SFXN1: variants seen among roughly 807,000 people sequenced by gnomAD.
SFXN1 encodes sideroflexin 1, also known as sideroflexin-1.
Under a neutral mutation model 39.5 loss-of-function variants are expected in SFXN1, and 32 were observed. The ratio of observed to expected loss-of-function variants is 0.81; its 90% CI spans 0.61 to 1.09. The LOEUF is 1.09. Among genes scored for constraint, SFXN1 ranks in the 50% least tolerant of loss-of-function variants. The probability of loss-of-function intolerance (pLI) is 0.00; values close to 1 mark genes in which losing one functional copy is unlikely to be tolerated. For missense variants in SFXN1, 402 were observed against 407.1 expected, an observed-to-expected ratio of 0.99 and a Z score of 0.11; for synonymous variants, 136 against 146.5, an observed-to-expected ratio of 0.93 and a Z score of 0.52.
intron 1 of SFXN1, among the ~76,000 whole-genome samples, chr5:175,486,593 C>G (rs912146003): frequency 6.6e-6 from 1 of 152,126 alleles, no homozygotes; most frequent in Admixed American, 6.6e-5. Context: ...GAAACCCTGT[C>G]TCTACAACCA....
intron 2 of SFXN1, among the ~76,000 whole-genome samples, chr5:175,502,175 C>CT (rs1760108259): frequency 6.6e-6 from 1 of 152,152 alleles, no homozygotes; most frequent in African/African-American, 2.4e-5. Flanking sequence ...AAACACTGAT[C>CT]TTAGGTTTTA....
In SFXN1 at chr5:175,513,649, C is replaced by T. The variant is rs1327204542; in HGVS notation, c.724+59C>T. 2.5e-5 allele frequency: 39 copies of T among 1,580,328 alleles called. 1 individual carries two copies. In the Admixed American group the frequency reaches 4.3e-4, roughly 17 times the overall value. On this transcript the variant is annotated intron_variant, in intron 7 of 10. Coordinates refer to ENST00000321442, the MANE Select transcript of SFXN1 (RefSeq NM_022754.7). The stretch of plus-strand genomic sequence containing the variant: ...CAGGTTGAACCAGCGTTCACGGATC[C>T]GTGAACCAGAAAACAAACACATATA...
chr5:175,516,449 A>C (rs891251506), intron 7 of SFXN1, among the ~76,000 whole-genome samples, 165 bp from the exon 8 acceptor site: 47 of 152,214 alleles, frequency 3.1e-4, no homozygotes, highest in African/African-American at 1.1e-3. Flanking sequence ...TTTCAATCTA[A>C]TGAATTCAAA....
At chr5:175,511,606 T>A in intron 5 of SFXN1, 80 bp downstream of exon 5, 1 of 1,122,722 alleles carries the variant, frequency 8.9e-7, no homozygotes, top group Non-Finnish European at 1.3e-6. Context: ...TATTATTTCT[T>A]AAACTAGTTC....
chr5:175,493,905 A>G (rs567653245), intron 2 of SFXN1, among the ~76,000 whole-genome samples: 53 of 152,342 alleles, frequency 3.5e-4, no homozygotes, highest in African/African-American at 1.2e-3. Context: ...TTGTTTTTAC[A>G]ACCCTCTAAA....
At chr5:175,481,774 A>G (rs1759262310) in intron 1 of SFXN1, among the ~76,000 whole-genome samples, 1 of 152,240 alleles carries the variant, frequency 6.6e-6, no homozygotes, top group Non-Finnish European at 1.5e-5. Flanking sequence ...CATATGCAAC[A>G]CAAATCCATT....
intron 2 of SFXN1, among the ~76,000 whole-genome samples, chr5:175,503,505 A>G (rs1760160623): frequency 6.6e-6 from 1 of 152,238 alleles, no homozygotes; most frequent in Non-Finnish European, 1.5e-5. Context: ...TATCACATCA[A>G]TATGTCAGAG....
intron 2 of SFXN1, among the ~76,000 whole-genome samples, chr5:175,495,735 A>T (rs1440940299): frequency 2.0e-5 from 3 of 151,804 alleles, no homozygotes; most frequent in Non-Finnish European, 4.4e-5. Flanking sequence ...TCTCAAAAAA[A>T]AAAAAGGGTT....
In SFXN1 at chr5:175,527,753, A is replaced by AAACCATGTACCACG. The variant is rs1409039349; in HGVS notation, c.*1032_*1033insGAACCATGTACCAC. ...CATTCCACTTCATTTGAAAATAATG[A>AAACCATGTACCACG]AACCATGTACCACTGTTTACATCAT... On this transcript the variant is annotated 3_prime_UTR_variant, in exon 11 of 11. Transcript: ENST00000321442. 6.6e-6 allele frequency: 1 copy of AAACCATGTACCACG among 152,178 alleles called. No individual in the cohort carries two copies. Among genetic ancestry groups the AAACCATGTACCACG allele is most frequent in the Non-Finnish European group, 1.5e-5 (1 of 68,030 alleles). 9.4% of individuals were successfully genotyped at this position (152,178 alleles called of 1,614,324 possible).
intron 1 of SFXN1, chr5:175,483,779 G>A (rs1759345204): frequency 6.6e-6 from 1 of 152,334 alleles, no homozygotes. Flanking sequence ...CTGTCTCCTA[G>A]CCTCTCTGAG....
chr5:175,497,699 C>A (rs955840510), intron 2 of SFXN1, among the ~76,000 whole-genome samples: 1 of 152,014 alleles, frequency 6.6e-6, no homozygotes, highest in Non-Finnish European at 1.5e-5. Flanking sequence ...GAGGCCGAGA[C>A]GGGTAGATCA....
Position 175,510,168 on chromosome 5 carries a change from A to T in SFXN1, c.395A>T (p.Asn132Ile). Residue 132 changes from asparagine to isoleucine, a missense_variant, in exon 4 of 11, where the codon AAT becomes ATT. By Grantham distance (149) the Asn-to-Ile change is moderately radical. Transcript: ENST00000321442. ...WINQSFNAVV[N>I]YTNRSGDAPL... ...AACCAGTCCTTCAATGCCGTCGTCA[A>T]TTACACCAACAGAAGTGGAGACGCA... The T allele has an allele frequency of 6.2e-7, 1 of 1,613,458 alleles. No individual in the cohort carries two copies. The highest frequency in any genetic ancestry group is 8.5e-7 in the Non-Finnish European group (1 of 1,179,820).
At chr5:175,489,332 G>A (rs1759570886) in intron 1 of SFXN1, among the ~76,000 whole-genome samples, 1 of 152,180 alleles carries the variant, frequency 6.6e-6, no homozygotes, top group South Asian at 2.1e-4. Flanking sequence ...AGTAATACAC[G>A]TAATTGTAAC....
rs773147613 is a variant in SFXN1 at position 175,522,327 on chromosome 5, AAATT to A, written c.825-45_825-42del. Reference sequence around the variant, plus strand: ...AAAGTAAAATAGAAAAATAAGCTGAAAATTAACCATTTAAAATGGTCTGACTTTT... The same window carrying A: ...AAAGTAAAATAGAAAAATAAGCTGAAAACCATTTAAAATGGTCTGACTTTT... On this transcript the variant is annotated intron_variant, in intron 9 of 10. Coordinates refer to ENST00000321442, the MANE Select transcript of SFXN1 (RefSeq NM_022754.7). 15 of 1,536,094 alleles carry A rather than the reference AAATT, an allele frequency of 9.8e-6. No homozygotes were observed. In the East Asian group the frequency reaches 1.6e-4, roughly 16 times the overall value.
intron 2 of SFXN1, among the ~76,000 whole-genome samples, chr5:175,507,577 C>T (rs1386867767): frequency 6.6e-6 from 1 of 152,076 alleles, no homozygotes; most frequent in Non-Finnish European, 1.5e-5. Flanking sequence ...ATTTTAATTG[C>T]TCTAATGGAT....
rs1371901158 is a variant in SFXN1 at position 175,527,853 on chromosome 5, A to G, written c.*1119A>G. The G allele has an allele frequency of 6.6e-6, 1 of 152,144 alleles. No individual in the cohort carries two copies. Among genetic ancestry groups the G allele is most frequent in the Non-Finnish European group, 1.5e-5 (1 of 68,032 alleles). 9.4% of individuals were successfully genotyped at this position (152,144 alleles called of 1,614,324 possible). On this transcript the variant is annotated 3_prime_UTR_variant, in exon 11 of 11. Coordinates refer to ENST00000321442, the MANE Select transcript of SFXN1 (RefSeq NM_022754.7). ...ACTCTGTAGATGTTTAACGTCATAG[A>G]CAGTTGGCCCTCTGTATCCGTGAGC...
intron 2 of SFXN1, among the ~76,000 whole-genome samples, chr5:175,504,994 C>T (rs1760233137): frequency 6.6e-6 from 1 of 152,070 alleles, no homozygotes; most frequent in African/African-American, 2.4e-5. Context: ...TCCCAAAGTA[C>T]TGGGATTACA....
At chr5:175,492,401 AGGAAG>A in intron 2 of SFXN1, 134 bp downstream of exon 2, 2 of 734,866 alleles carry the variant, frequency 2.7e-6, no homozygotes, top group Non-Finnish European at 4.1e-6. Flanking sequence ...AAAAAAAAAA[AGGAAG>A]AAAAGAGTAA....
chr5:175,512,141 C>T lies in SFXN1; in HGVS notation c.541C>T (p.Pro181Ser). ...CTCACCACTGATAGGACGTTTTGTTCCCTTTGCTGCCGTAGCTGCTGCTAA... is the reference window on the plus strand; with the variant it reads ...CTCACCACTGATAGGACGTTTTGTTTCCTTTGCTGCCGTAGCTGCTGCTAA... ...HVSPLIGRFV[P>S]FAAVAAANCI... The change falls in exon 6 of 11, where the codon CCC becomes TCC. Residue 181 changes from proline to serine, a missense_variant. Physicochemically the swap from Pro to Ser is moderately conservative, Grantham distance 74. Coordinates refer to ENST00000321442, the MANE Select transcript of SFXN1 (RefSeq NM_022754.7). 2 of 1,614,116 alleles carry T rather than the reference C, an allele frequency of 1.2e-6. No individual in the cohort carries two copies. The highest frequency in any genetic ancestry group is 1.7e-6 in the Non-Finnish European group (2 of 1,180,028).
Sources: allele counts gnomAD v4.1 joint callset (sites outside exome capture counted in the v4.1 genomes callset), GRCh38; gene constraint gnomAD v4.1.1; transcripts MANE v1.5; gene names NCBI Gene and HGNC (gene_info 2026-07-23, HGNC 2026-07-21).